Variants in CHRM3 observed in about 807,000 individuals in gnomAD.
CHRM3 encodes cholinergic receptor muscarinic 3, also known as muscarinic acetylcholine receptor M3.
In CHRM3, 11 loss-of-function variants were observed where a neutral mutation model predicts 41.8. The observed-to-expected ratio is 0.26, with a 90% CI of 0.17 to 0.44. CHRM3 has a LOEUF of 0.44. CHRM3 is among the 20% of genes least tolerant of loss of function. The pLI is 1.00. For missense variants in CHRM3, 571 were observed against 745.4 expected (o/e 0.77, Z 2.72); for synonymous variants, 297 against 301.4 (o/e 0.99, Z 0.15).
At chr1:239,805,051 C>T (rs2148942956) in intron 5 of CHRM3, among the ~76,000 whole-genome samples, 1 of 152,298 alleles carries the variant, frequency 6.6e-6, no homozygotes. Flanking sequence ...CCCTTCTGGA[C>T]CTAAAACAAG....
At chr1:239,424,924 TC>T (rs1662250431) in intron 1 of CHRM3, among the ~76,000 whole-genome samples, 1 of 152,194 alleles carries the variant, frequency 6.6e-6, no homozygotes, top group African/African-American at 2.4e-5. Flanking sequence ...TCAGCAATCA[TC>T]AAATGTTCCC....
chr1:239,623,498 ATT>A (rs532141328), intron 3 of CHRM3, among the ~76,000 whole-genome samples: 74 of 126,774 alleles, frequency 5.8e-4, no homozygotes, highest in African/African-American at 1.8e-3. Context: ...TTTTTTTTTA[ATT>A]TTTTTTTTTT....
chr1:239,492,424 C>A, intron 1 of CHRM3, among the ~76,000 whole-genome samples: 1 of 152,190 alleles, frequency 6.6e-6, no homozygotes, highest in East Asian at 1.9e-4. Context: ...GCAAAGGAAA[C>A]ATTTTAGCTT....
intron 5 of CHRM3, among the ~76,000 whole-genome samples, chr1:239,713,353 G>A (rs1355018818): frequency 2.0e-5 from 3 of 152,116 alleles, no homozygotes; most frequent in Non-Finnish European, 4.4e-5. Context: ...CGATTCTCTA[G>A]GGATGGTTGA....
intron 4 of CHRM3, among the ~76,000 whole-genome samples, chr1:239,668,180 C>T (rs1470843675): frequency 1.4e-5 from 2 of 140,562 alleles, no homozygotes; most frequent in African/African-American, 5.3e-5. Flanking sequence ...CTGACTGCAA[C>T]CTCTGCCTCC....
chr1:239,603,511 G>C (rs1197776071), intron 3 of CHRM3, among the ~76,000 whole-genome samples: 1 of 152,086 alleles, frequency 6.6e-6, no homozygotes, highest in Non-Finnish European at 1.5e-5. Context: ...GTTAGCATTT[G>C]GAAGGAAGGT....
rs115269291 is a variant in CHRM3, at chr1:239,793,319, T to A, written c.-146-33933T>A. Among the ~76,000 whole-genome samples, 1,076 of 152,274 alleles carry A rather than the reference T, an allele frequency of 7.1e-3. 14 individuals are homozygous for A. The highest frequency in any genetic ancestry group is 0.025 in the African/African-American group (1,044 of 41,542). ...GGAGCATGATGAAATAAAATCACAA[T>A]AACCATGTTGTCATTCCTGGGTTAA... On this transcript the variant is annotated intron_variant, in intron 5 of 6. Transcript: ENST00000676153.
At chr1:239,715,234 T>A (rs1181426766) in intron 5 of CHRM3, among the ~76,000 whole-genome samples, 3 of 151,970 alleles carry the variant, frequency 2.0e-5, no homozygotes, top group Non-Finnish European at 4.4e-5. Flanking sequence ...TAAGAGCAAA[T>A]GATTGGGTAC....
At chr1:239,817,507 G>A (rs138500430) in intron 5 of CHRM3, among the ~76,000 whole-genome samples, 1 of 151,926 alleles carries the variant, frequency 6.6e-6, no homozygotes, top group African/African-American at 2.4e-5. Context: ...CAGAGCTCTG[G>A]GACCTCCTGC....
intron 1 of CHRM3, among the ~76,000 whole-genome samples, chr1:239,403,522 C>G (rs1349286282): frequency 6.6e-6 from 1 of 152,148 alleles, no homozygotes; most frequent in Admixed American, 6.5e-5. Context: ...CTTCCCTTGC[C>G]TGGAGCATTG....
intron 2 of CHRM3, among the ~76,000 whole-genome samples, chr1:239,541,988 C>A (rs1016185108): frequency 6.6e-6 from 1 of 152,058 alleles, no homozygotes; most frequent in Non-Finnish European, 1.5e-5. Context: ...AACAGGAATC[C>A]GAAGAGCCTA....
intron 2 of CHRM3, among the ~76,000 whole-genome samples, chr1:239,540,703 C>A (rs1284551028): frequency 6.6e-6 from 1 of 152,126 alleles, no homozygotes; most frequent in Non-Finnish European, 1.5e-5. Context: ...TTACCATACA[C>A]AATATTGCCT....
At chr1:239,540,274 G>A (rs1347749998) in intron 2 of CHRM3, among the ~76,000 whole-genome samples, 1 of 152,114 alleles carries the variant, frequency 6.6e-6, no homozygotes, top group Admixed American at 6.5e-5. Context: ...ACAGAAGTCG[G>A]CATCATAATG....
intron 1 of CHRM3, among the ~76,000 whole-genome samples, chr1:239,477,436 G>A (rs903389509): frequency 1.3e-5 from 2 of 152,164 alleles, no homozygotes; most frequent in South Asian, 4.1e-4. Flanking sequence ...ACCTGGCAAA[G>A]CAAAGACACT....
chr1:239,871,273 C>T (rs745942170), intron 6 of CHRM3, among the ~76,000 whole-genome samples: 1 of 152,094 alleles, frequency 6.6e-6, no homozygotes, highest in Admixed American at 6.6e-5. Flanking sequence ...GATGGAGTCT[C>T]GCTCTGTTGC....
Position 239,915,375 on chromosome 1 carries a change from G to T in CHRM3, c.*6151G>T, listed in dbSNP as rs1337483661. On this transcript the variant is annotated 3_prime_UTR_variant, in exon 7 of 7. Coordinates refer to ENST00000676153, the MANE Select transcript of CHRM3 (RefSeq NM_001375978.1). ...TCGTCTGTAGTCTGTACTATAAAAT[G>T]ATGCCTGCAACTTTGTGGTGAATAT... 1 of 167,030 alleles carries T rather than the reference G, an allele frequency of 6.0e-6. No homozygotes were observed. Among genetic ancestry groups the T allele is most frequent in the Non-Finnish European group, 1.5e-5 (1 of 68,106 alleles). The allele number at this position is 167,030 out of a possible 1,614,324, so 10.3% of individuals were successfully genotyped here.
chr1:239,814,619 T>G (rs112316652), intron 5 of CHRM3, among the ~76,000 whole-genome samples: 72 of 152,198 alleles, frequency 4.7e-4, no homozygotes, highest in African/African-American at 1.6e-3. Context: ...TTGAGACAAG[T>G]GATTAGTGAC....
intron 3 of CHRM3, among the ~76,000 whole-genome samples, chr1:239,603,612 C>T (rs1665883855): frequency 6.6e-6 from 1 of 152,114 alleles, no homozygotes; most frequent in African/African-American, 2.4e-5. Context: ...TTTCTTTTTG[C>T]TTTTTCTACC....
chr1:239,447,591 T>A (rs561916576), intron 1 of CHRM3, among the ~76,000 whole-genome samples: 2 of 152,226 alleles, frequency 1.3e-5, no homozygotes, highest in African/African-American at 4.8e-5. Context: ...CTGACCAACA[T>A]GGAGAAACCC....
Sources: allele counts gnomAD v4.1 joint callset (sites outside exome capture counted in the v4.1 genomes callset), GRCh38; gene constraint gnomAD v4.1.1; transcripts MANE v1.5; gene names NCBI Gene and HGNC (gene_info 2026-07-23, HGNC 2026-07-21).